RASA3: variants seen among roughly 807,000 people sequenced by gnomAD.
RASA3 encodes ras GTPase-activating protein 3.
A neutral mutation model predicts 110.0 loss-of-function variants in RASA3; 73 were observed. The ratio of observed to expected loss-of-function variants is 0.66; its 90% CI spans 0.55 to 0.81. The LOEUF is 0.81. RASA3 is among the 30% of genes least tolerant of loss of function. The probability of loss-of-function intolerance (pLI) is 0.00; values close to 1 mark genes in which losing one functional copy is unlikely to be tolerated. For missense variants in RASA3, 976 were observed against 1,113.2 expected (o/e 0.88, Z 1.75); for synonymous variants, 500 against 451.4 (o/e 1.11, Z -1.37).
At position 114,096,945 on chromosome 13, in the gene RASA3, C is replaced by T. The variant is rs1032751183; in HGVS notation, c.56-23108G>A. On this transcript the variant is annotated intron_variant, in intron 1 of 23. Coordinates refer to ENST00000334062, the MANE Select transcript of RASA3 (RefSeq NM_007368.4). The surrounding 1 kb of genome is among the most constrained non-coding windows in gnomAD (Gnocchi z 5.1). ...TTCTCTCCGCCTGCAGTGCCCTCCT[C>T]TGTGTCTCAATCCTTCCCGTGCACC... 2.6e-5 allele frequency among the ~76,000 whole-genome samples: 4 copies of T among 152,222 alleles called. No homozygotes were observed. The highest frequency in any genetic ancestry group is 9.6e-5 in the African/African-American group (4 of 41,456).
At chr13:114,001,320 G>A (rs903877948) in intron 18 of RASA3, among the ~76,000 whole-genome samples, 7 of 150,714 alleles carry the variant, frequency 4.6e-5, no homozygotes, top group African/African-American at 9.7e-5. Flanking sequence ...ACCTGCGGCC[G>A]CGGACCTGGG....
At chr13:114,029,777 T>C in intron 5 of RASA3, 34 bp downstream of exon 5, 2 of 1,563,596 alleles carry the variant, frequency 1.3e-6, no homozygotes, top group South Asian at 2.3e-5. Context: ...TGCCACTCGC[T>C]GTGCGCTCGG....
At chr13:114,095,713 C>G (rs1376394363) in intron 1 of RASA3, among the ~76,000 whole-genome samples, 1 of 152,186 alleles carries the variant, frequency 6.6e-6, no homozygotes, top group Admixed American at 6.5e-5. Context: ...ATGATGGGCC[C>G]GGCTGTTTCC....
In RASA3 at chr13:113,981,767, C is replaced by A; in HGVS notation, c.2337G>T (p.Thr779=). 6.2e-7 allele frequency: 1 copy of A among 1,614,016 alleles called. No homozygotes were observed. The highest frequency in any genetic ancestry group is 2.2e-5 in the East Asian group (1 of 44,890). ...VIDDPQETYK[T]LKQVIAGVGA... is the part of the protein sequence containing the mutation. ...CAACCCCAGCGATGACTTGCTTTAG[C>A]GTCTTGTAGGTCTCCTGGGGGTCGT... Residue 779 remains threonine, a synonymous_variant, in exon 23 of 24, where the codon ACG becomes ACT. Coordinates refer to ENST00000334062, the MANE Select transcript of RASA3 (RefSeq NM_007368.4).
chr13:114,117,228 T>A (rs368278708), intron 1 of RASA3, among the ~76,000 whole-genome samples: 36 of 61,920 alleles, frequency 5.8e-4, no homozygotes, highest in Middle Eastern at 0.017. Flanking sequence ...GTGTGAGGGG[T>A]GCATGTGTGT....
intron 1 of RASA3, among the ~76,000 whole-genome samples, chr13:114,107,350 G>A (rs904761584): frequency 6.8e-5 from 10 of 146,100 alleles, no homozygotes; most frequent in East Asian, 3.9e-4. Context: ...TGACCCTCGC[G>A]GGGGACGGGC....
rs556430693 is a variant in RASA3 at position 114,013,524 on chromosome 13, ATC to A, written c.1406-278_1406-277del. Among the ~76,000 whole-genome samples, 88 of 95,078 alleles carry A rather than the reference ATC, an allele frequency of 9.3e-4. 2 individuals carry two copies. The highest frequency in any genetic ancestry group is 3.1e-3 in the African/African-American group (72 of 23,492). 62.4% of individuals were successfully genotyped at this position (95,078 alleles called of 152,430 possible). On this transcript the variant is annotated intron_variant, in intron 14 of 23. Coordinates refer to ENST00000334062, the MANE Select transcript of RASA3 (RefSeq NM_007368.4). Reference sequence around the variant, plus strand: ...CTCTCCCTCTATTTGTCTCTCTCTCATCTCTCTGTCTCTCTCCCTCTCTTTGT... The same window carrying A: ...CTCTCCCTCTATTTGTCTCTCTCTCATCTCTGTCTCTCTCCCTCTCTTTGT...
chr13:114,061,063 T>A (rs1411330122), intron 2 of RASA3, among the ~76,000 whole-genome samples: 1 of 151,804 alleles, frequency 6.6e-6, no homozygotes, highest in Non-Finnish European at 1.5e-5. Flanking sequence ...CACAGAGACA[T>A]TTCTTCTTCC....
In RASA3 at chr13:114,009,401, C is replaced by T. The variant is rs1470637913; in HGVS notation, c.1654G>A (p.Asp552Asn). The change falls in exon 17 of 24, where the codon GAT (aspartate) becomes AAT (asparagine). Residue 552 changes from aspartate to asparagine, a missense_variant. Around this residue, in one of 4 missense-constraint regions of RASA3, gnomAD observed 732 missense variants for 779.7 expected, o/e 0.94. Coordinates refer to ENST00000334062, the MANE Select transcript of RASA3 (RefSeq NM_007368.4). Reference sequence around the variant, plus strand: ...TCGATACTTACGTTCTTCACCGCATCAGCATATTTCTGCTCATTGAAGAAT... The same window carrying T: ...TCGATACTTACGTTCTTCACCGCATTAGCATATTTCTGCTCATTGAAGAAT... ...YEFFNEQKYA[D>N]AVKNFLDLIS... 1 of 1,612,140 alleles carries T rather than the reference C, an allele frequency of 6.2e-7. No individual in the cohort carries two copies. Among genetic ancestry groups the T allele is most frequent in the East Asian group, 2.2e-5 (1 of 44,870 alleles).
intron 7 of RASA3, among the ~76,000 whole-genome samples, chr13:114,025,040 T>C (rs899587807): frequency 6.6e-6 from 1 of 151,884 alleles, no homozygotes; most frequent in Admixed American, 6.5e-5. Flanking sequence ...GGTTATCACC[T>C]GGAGTTCCGA....
chr13:114,093,335 A>G (rs7981975), intron 1 of RASA3, among the ~76,000 whole-genome samples: 143,432 of 152,254 alleles, frequency 0.94, 67,910 homozygotes, highest in Non-Finnish European at 1. Context: ...TGCTGGGTAC[A>G]CTATTTTTAG....
In RASA3 at chr13:114,007,577, T is replaced by C; in HGVS notation, c.1698A>G (p.Arg566=). The change falls in exon 18 of 24, where the codon AGA becomes AGG. Residue 566 remains arginine, a synonymous_variant. Coordinates refer to ENST00000334062, the MANE Select transcript of RASA3 (RefSeq NM_007368.4). ...NFLDLISSSG[R]RDPKSVEQPI... ...GCTGCTCAACACTCTTGGGGTCTCT[T>C]CTCCCCGAGGACGAAATCAGATCCA... 2 of 1,613,448 alleles carry C rather than the reference T, an allele frequency of 1.2e-6. No homozygotes were observed.
chr13:114,000,000 C>T (rs1269755581), intron 19 of RASA3, among the ~76,000 whole-genome samples: 3 of 67,510 alleles, frequency 4.4e-5, no homozygotes, highest in Non-Finnish European at 8.1e-5. Context: ...GGGATCTCTA[C>T]CGGGGGGTCT....
At position 114,041,010 on chromosome 13, in the gene RASA3, G is replaced by A. The variant is rs745968820; in HGVS notation, c.362C>T (p.Ser121Leu). ...WFQLQHVDAD[S>L]EVQGKVHLEL... is the part of the protein sequence containing the mutation. ...CGCCGAGAGTCTCACCTGCACTTCCGAGTCAGCGTCCACGTGCTGCAGCTG... is the reference window on the plus strand; with the variant it reads ...CGCCGAGAGTCTCACCTGCACTTCCAAGTCAGCGTCCACGTGCTGCAGCTG... The change falls in exon 4 of 24, where the codon TCG becomes TTG. Residue 121 changes from serine (S) to leucine (L), a missense_variant. Physicochemically the swap from Ser to Leu is moderately radical, Grantham distance 145. Coordinates refer to ENST00000334062, the MANE Select transcript of RASA3 (RefSeq NM_007368.4). 3 of 1,613,678 alleles carry A rather than the reference G, an allele frequency of 1.9e-6. No individual in the cohort carries two copies. Among genetic ancestry groups the A allele is most frequent in the Admixed American group, 1.7e-5 (1 of 60,034 alleles).
chr13:114,005,090 C>T (rs543787084), intron 18 of RASA3, among the ~76,000 whole-genome samples: 1 of 152,276 alleles, frequency 6.6e-6, no homozygotes, highest in African/African-American at 2.4e-5. Flanking sequence ...CGCTCTGGGA[C>T]ACGTATTCGG....
chr13:114,066,970 A>AGGCCCCCCTACCTGGGCTGAGGACG (rs1566545621), intron 2 of RASA3, among the ~76,000 whole-genome samples: 2 of 131,286 alleles, frequency 1.5e-5, no homozygotes, highest in Admixed American at 7.5e-5. Context: ...GGCTGAGGAC[A>AGGCCCCCCTACCTGGGCTGAGGACG]GGCCCCCCTA....
intron 16 of RASA3, among the ~76,000 whole-genome samples, chr13:114,010,548 G>C (rs2053608299): frequency 6.6e-6 from 1 of 150,750 alleles, no homozygotes; most frequent in Non-Finnish European, 1.5e-5. Context: ...GGAGGACGGA[G>C]GTTCATATCC....
intron 1 of RASA3, among the ~76,000 whole-genome samples, chr13:114,103,029 A>G (rs945648458): frequency 1.3e-5 from 2 of 152,168 alleles, no homozygotes; most frequent in Admixed American, 6.5e-5. Context: ...CTGTCAGCCA[A>G]GGACACTCAC....
chr13:114,049,186 C>G (rs2079103149), intron 3 of RASA3, among the ~76,000 whole-genome samples: 1 of 152,140 alleles, frequency 6.6e-6, no homozygotes, highest in African/African-American at 2.4e-5. Flanking sequence ...CTGCTAGAAA[C>G]GAGAACCAGG....
Sources: gnomAD v4.1 joint callset for allele counts (sites outside exome capture counted in the v4.1 genomes callset) on GRCh38, gnomAD v4.1.1 for gene constraint, gnomAD v4.1.1 regional missense constraint, Gnocchi (gnomAD v3.1) non-coding constraint, MANE v1.5 for transcripts, NCBI Gene and HGNC (gene_info 2026-07-23, HGNC 2026-07-21) for gene names.